Variants in ADD3 observed in about 807,000 individuals in gnomAD.
ADD3 encodes adducin 3.
A neutral mutation model predicts 80.2 loss-of-function variants in ADD3; 25 were observed. The observed-to-expected ratio is 0.31, with a 90% CI of 0.23 to 0.44. ADD3 has a LOEUF of 0.44. ADD3 is among the 20% of genes least tolerant of loss of function. ADD3 has a pLI of 1.00. For synonymous variants in ADD3, 284 were observed against 289.6 expected, an observed-to-expected ratio of 0.98 and a Z score of 0.20; for missense variants, 829 against 847.5, an observed-to-expected ratio of 0.98 and a Z score of 0.27.
chr10:110,125,870 T>G lies in ADD3; in HGVS notation c.1446T>G (p.Pro482=), dbSNP rs1852082895. The G allele has an allele frequency of 6.2e-7, 1 of 1,610,758 alleles. No individual in the cohort carries two copies. Among genetic ancestry groups the G allele is most frequent in the African/African-American group, 1.3e-5 (1 of 74,990 alleles). The change falls in exon 11 of 15, where the codon CCT becomes CCG. Residue 482 remains proline, a synonymous_variant. Transcript: ENST00000356080. Reference sequence around the variant, plus strand: ...CATCTAAAGTTAGTGGTGGAACACCTATCAAAATTGAAGATCCAAATCAGT... The same window carrying G: ...CATCTAAAGTTAGTGGTGGAACACCGATCAAAATTGAAGATCCAAATCAGT... ...EDSSKVSGGT[P]IKIEDPNQFV...
chr10:110,049,068 TGGCTAAAAG>T (rs1370032345), intron 1 of ADD3, among the ~76,000 whole-genome samples: 1 of 152,198 alleles, frequency 6.6e-6, no homozygotes, highest in Non-Finnish European at 1.5e-5. Context: ...ACTCTAGCCA[TGGCTAAAAG>T]GGGCCAAGTT....
rs764487239 is a variant in ADD3, at chr10:110,133,592, A to C, written c.2095A>C (p.Lys699Gln). 7 of 1,577,036 alleles carry C rather than the reference A, an allele frequency of 4.4e-6. No homozygotes were observed. The highest frequency in any genetic ancestry group is 5.2e-6 in the Non-Finnish European group (6 of 1,164,546). The change falls in exon 15 of 15, where the codon AAA (lysine) becomes CAA (glutamine). Residue 699 changes from lysine to glutamine, a missense_variant. Coordinates refer to ENST00000356080, the MANE Select transcript of ADD3 (RefSeq NM_016824.5). ...CACTCCTTCTTTTCTGAAAAAGAAC[A>C]AAAAAAAGGAGAAAGTTGAGGCCTA... Reference protein sequence around the residue: ...FRTPSFLKKNKKKEKVEA With the variant: ...FRTPSFLKKNQKKEKVEA
intron 14 of ADD3, 93 bp from the exon 15 acceptor site, chr10:110,133,233 C>A: frequency 7.9e-7 from 1 of 1,261,306 alleles, no homozygotes; most frequent in Non-Finnish European, 1.1e-6. Context: ...AAAGTAATGC[C>A]TTATTACATT....
chr10:110,024,261 C>G (rs1411814457), intron 1 of ADD3, among the ~76,000 whole-genome samples: 2 of 152,182 alleles, frequency 1.3e-5, no homozygotes, highest in Non-Finnish European at 2.9e-5. Context: ...GTTGTCATTA[C>G]AGGAAGTCAT....
chr10:110,086,783 C>G (rs763801687), intron 1 of ADD3, among the ~76,000 whole-genome samples: 2 of 152,146 alleles, frequency 1.3e-5, no homozygotes, highest in African/African-American at 2.4e-5. Context: ...TTATAGATTA[C>G]TTAGTCTCAG....
chr10:110,027,786 GA>G (rs145794058), intron 1 of ADD3, among the ~76,000 whole-genome samples: 4 of 151,744 alleles, frequency 2.6e-5, no homozygotes, highest in South Asian at 2.1e-4. Context: ...ACTTCAGAGA[GA>G]AAAAAAACAC....
intron 1 of ADD3, among the ~76,000 whole-genome samples, chr10:110,068,913 C>CA (rs1844325947): frequency 6.6e-6 from 1 of 151,750 alleles, no homozygotes; most frequent in Non-Finnish European, 1.5e-5. Flanking sequence ...CTCGTCTCTG[C>CA]AAAAAATAGA....
At chr10:110,018,814 A>G (rs1385337780) in intron 1 of ADD3, among the ~76,000 whole-genome samples, 3 of 152,216 alleles carry the variant, frequency 2.0e-5, no homozygotes, top group Non-Finnish European at 4.4e-5. Context: ...TAGGAAATAC[A>G]TTAGAATATG....
intron 1 of ADD3, among the ~76,000 whole-genome samples, chr10:110,050,470 TC>T (rs1483030010): frequency 6.6e-6 from 1 of 150,562 alleles, no homozygotes; most frequent in African/African-American, 2.4e-5. Context: ...TTGTGAGTCC[TC>T]CCCAGCCACG....
At chr10:110,064,089 C>G (rs1349074439) in intron 1 of ADD3, among the ~76,000 whole-genome samples, 1 of 151,706 alleles carries the variant, frequency 6.6e-6, no homozygotes, top group Non-Finnish European at 1.5e-5. Context: ...GTAATTCATT[C>G]TCTTTATTGT....
At chr10:110,050,378 A>T (rs543868478) in intron 1 of ADD3, among the ~76,000 whole-genome samples, 2 of 152,046 alleles carry the variant, frequency 1.3e-5, no homozygotes, top group Admixed American at 1.3e-4. Flanking sequence ...TGATGATTTT[A>T]TAAGGGGTTT....
intron 1 of ADD3, among the ~76,000 whole-genome samples, chr10:110,046,903 G>A (rs1275279723): frequency 8.3e-6 from 1 of 120,020 alleles, no homozygotes; most frequent in Non-Finnish European, 2.2e-5. Flanking sequence ...GGATAATTTT[G>A]TCCTTTTTTT....
At chr10:110,125,000 A>C in intron 10 of ADD3, among the ~76,000 whole-genome samples, 1 of 152,232 alleles carries the variant, frequency 6.6e-6, no homozygotes, top group Middle Eastern at 3.4e-3. Flanking sequence ...AGTTCTTCCA[A>C]TGTGGCCCAG....
In ADD3 at chr10:110,100,670, G is replaced by T; in HGVS notation, c.17G>T (p.Ser6Ile). Residue 6 changes from serine (S) to isoleucine (I), a missense_variant, in exon 2 of 15, where the codon AGC (serine) becomes ATC (isoleucine). By Grantham distance (142) the Ser-to-Ile change is moderately radical. Transcript: ENST00000356080. ...ACTTAAAACATGAGCTCAGATGCCA[G>T]CCAAGGCGTGATTACCACTCCTCCT... MSSDA[S>I]QGVITTPPPP... 2 of 1,610,180 alleles carry T rather than the reference G, an allele frequency of 1.2e-6. No individual in the cohort carries two copies. The highest frequency in any genetic ancestry group is 1.7e-6 in the Non-Finnish European group (2 of 1,178,420).
At chr10:110,099,636 A>G (rs1848578517) in intron 1 of ADD3, among the ~76,000 whole-genome samples, 1 of 152,252 alleles carries the variant, frequency 6.6e-6, no homozygotes, top group South Asian at 2.1e-4. Flanking sequence ...AATGTTTGAA[A>G]GCCACCATTC....
chr10:110,059,047 A>G (rs1349720600), intron 1 of ADD3, among the ~76,000 whole-genome samples: 2 of 152,194 alleles, frequency 1.3e-5, no homozygotes, highest in Non-Finnish European at 2.9e-5. Flanking sequence ...TTTCACCTCC[A>G]TTACCTTGGG....
At chr10:110,054,817 T>C (rs1391061873) in intron 1 of ADD3, among the ~76,000 whole-genome samples, 1 of 152,092 alleles carries the variant, frequency 6.6e-6, no homozygotes, top group Non-Finnish European at 1.5e-5. Flanking sequence ...GGTTTCACCG[T>C]GTTAGCCAGG....
chr10:110,058,867 A>T (rs1858531517), intron 1 of ADD3, among the ~76,000 whole-genome samples: 2 of 152,194 alleles, frequency 1.3e-5, no homozygotes, highest in East Asian at 1.9e-4. Context: ...TGTAGGAAGG[A>T]TCTGTCATAT....
intron 4 of ADD3, among the ~76,000 whole-genome samples, chr10:110,116,800 C>A (rs1590194679): frequency 6.6e-6 from 1 of 152,176 alleles, no homozygotes; most frequent in Admixed American, 6.5e-5. Context: ...AAAATATATT[C>A]TTTCCATTCA....
Sources: allele counts gnomAD v4.1 joint callset (sites outside exome capture counted in the v4.1 genomes callset), GRCh38; gene constraint gnomAD v4.1.1; transcripts MANE v1.5; gene names NCBI Gene and HGNC (gene_info 2026-07-23, HGNC 2026-07-21).